EPS8: variants seen among roughly 807,000 people sequenced by gnomAD.
EPS8 encodes the protein EGFR pathway substrate 8, signaling adaptor.
EPS8 carries 42 observed loss-of-function variants against 103.8 expected under a neutral mutation model. The observed-to-expected ratio is 0.40, with a 90% CI of 0.32 to 0.52. The LOEUF (loss-of-function observed/expected upper bound fraction) is 0.52. EPS8 is among the 20% of genes least tolerant of loss of function. EPS8 has a pLI of 0.40. For synonymous variants in EPS8, 344 were observed against 344.6 expected (o/e 1.00, Z 0.02); for missense variants, 969 against 1,005.1 (o/e 0.96, Z 0.49).
chr12:15,698,397 G>A lies in EPS8; in HGVS notation c.-21-15425C>T. ...AACTACTCAAGGAAAAGAACAAGCA[G>A]TGTCAACTAGACTCCCCAACCCCCG... On this transcript the variant is annotated intron_variant, in intron 1 of 20. Coordinates refer to ENST00000281172, the MANE Select transcript of EPS8 (RefSeq NM_004447.6). The surrounding 1 kb of genome is among the most constrained non-coding windows in gnomAD (Gnocchi z 4.9). 6.6e-6 allele frequency among the ~76,000 whole-genome samples: 1 copy of A among 152,124 alleles called. No individual in the cohort carries two copies. The highest frequency in any genetic ancestry group is 1.9e-4 in the East Asian group (1 of 5,198).
rs542843414 is a variant in EPS8, at chr12:15,681,528, C to T, written c.60-226G>A. On this transcript the variant is annotated intron_variant, in intron 2 of 20. Transcript: ENST00000281172. ...GGCACATCACCTGAGGTCAGGAGTT[C>T]GTGACCAGCCTGACCAACATGGAGA... Among the ~76,000 whole-genome samples the T allele has an allele frequency of 2.6e-3, 394 of 151,674 alleles. 2 individuals are homozygous for T. Among genetic ancestry groups the T allele is most frequent in the Admixed American group, 5.0e-3 (76 of 15,256 alleles).
intron 3 of EPS8, chr12:15,672,439 T>G (rs543630736): frequency 5.0e-6 from 2 of 398,316 alleles, no homozygotes; most frequent in Admixed American, 4.4e-5. Context: ...CACTACAAAA[T>G]TCACTCTGTG....
chr12:15,729,252 C>T lies in EPS8; in HGVS notation c.-21-46280G>A, dbSNP rs537356159. 1.0e-3 allele frequency among the ~76,000 whole-genome samples: 153 copies of T among 152,138 alleles called. No individual in the cohort carries two copies. The Middle Eastern group carries it at 0.017, about 17-fold the overall frequency. ...TTTTTGGTGTTTGTCCTGAGCTTGG[C>T]GTCTCTCATTAATTTTGAGCTTCCA... On this transcript the variant is annotated intron_variant, in intron 1 of 20. Coordinates refer to ENST00000281172, the MANE Select transcript of EPS8 (RefSeq NM_004447.6).
intron 1 of EPS8, among the ~76,000 whole-genome samples, chr12:15,709,061 G>C (rs1242179254): frequency 3.9e-5 from 6 of 152,152 alleles, no homozygotes; most frequent in Non-Finnish European, 8.8e-5. Context: ...TTCCAACAAA[G>C]GAGTAAAATG....
chr12:15,627,196 G>A (rs774512796), intron 18 of EPS8, among the ~76,000 whole-genome samples: 6 of 151,890 alleles, frequency 4.0e-5, no homozygotes, highest in Non-Finnish European at 8.8e-5. Context: ...AGTAGAGATG[G>A]GGTTTCACCC....
rs1360821332 is a variant in EPS8, at chr12:15,736,792, C to G, written c.-22+52369G>C. ...GAGTATGTGATATAGAACCATACAA[C>G]CAAGCATATGTCAATACCCTCCATG... On this transcript the variant is annotated intron_variant, in intron 1 of 20. Transcript: ENST00000281172. This position sits in a 1 kb window ranked among gnomAD's most constrained non-coding sequence, Gnocchi z 4.2. Among the ~76,000 whole-genome samples the G allele has an allele frequency of 6.6e-6, 1 of 152,010 alleles. No individual in the cohort carries two copies. The highest frequency in any genetic ancestry group is 1.5e-5 in the Non-Finnish European group (1 of 67,984).
rs199669695 is a variant in EPS8 at position 15,760,001 on chromosome 12, TA to T, written c.-22+29159del. Among the ~76,000 whole-genome samples, 2 of 150,932 alleles carry T rather than the reference TA, an allele frequency of 1.3e-5. No homozygotes were observed. Among genetic ancestry groups the T allele is most frequent in the Non-Finnish European group, 3.0e-5 (2 of 67,604 alleles). On this transcript the variant is annotated intron_variant, in intron 1 of 20. Transcript: ENST00000281172. The surrounding 1 kb of genome is among the most constrained non-coding windows in gnomAD (Gnocchi z 4.5). ...AAGAGAAATTAAAAAGAAGAAAATA[TA>T]AAAAAAATCAATGAAACTAAAAGTT... is the stretch of plus-strand genomic sequence containing the variant.
chr12:15,741,627 T>C (rs1946823952), intron 1 of EPS8, among the ~76,000 whole-genome samples: 2 of 152,224 alleles, frequency 1.3e-5, no homozygotes, highest in Admixed American at 1.3e-4. Context: ...TATCATCTTT[T>C]AAAGCGTAAA....
At position 15,757,671 on chromosome 12, in the gene EPS8, C is replaced by T. The variant is rs1278164620; in HGVS notation, c.-22+31490G>A. On this transcript the variant is annotated intron_variant, in intron 1 of 20. Coordinates refer to ENST00000281172, the MANE Select transcript of EPS8 (RefSeq NM_004447.6). This position sits in a 1 kb window ranked among gnomAD's most constrained non-coding sequence, Gnocchi z 4.1. ...AAGAAAAAGAAAAAGATGAAGTGGC[C>T]ACCACTTAAGTGATCAAGCCTCATC... 6.6e-6 allele frequency among the ~76,000 whole-genome samples: 1 copy of T among 151,944 alleles called. No individual in the cohort carries two copies. The highest frequency in any genetic ancestry group is 1.5e-5 in the Non-Finnish European group (1 of 67,952).
At position 15,764,349 on chromosome 12, in the gene EPS8, A is replaced by G. The variant is rs1414772363; in HGVS notation, c.-22+24812T>C. On this transcript the variant is annotated intron_variant, in intron 1 of 20. Coordinates refer to ENST00000281172, the MANE Select transcript of EPS8 (RefSeq NM_004447.6). This position sits in a 1 kb window ranked among gnomAD's most constrained non-coding sequence, Gnocchi z 4.1. ...GAGCTTTGGGTGGGGACACAGTGAAACCATATCAATCAGTCAAGTTAGAAG... is the reference window on the plus strand; with the variant it reads ...GAGCTTTGGGTGGGGACACAGTGAAGCCATATCAATCAGTCAAGTTAGAAG... 1.3e-5 allele frequency among the ~76,000 whole-genome samples: 2 copies of G among 152,246 alleles called. No individual in the cohort carries two copies. The highest frequency in any genetic ancestry group is 3.9e-4 in the East Asian group (2 of 5,188).
intron 1 of EPS8, among the ~76,000 whole-genome samples, chr12:15,705,316 T>C (rs1452586455): frequency 6.6e-6 from 1 of 152,254 alleles, no homozygotes; most frequent in East Asian, 1.9e-4. Context: ...AAATATTCAA[T>C]GATTTGTAAT....
rs138817435 is a variant in EPS8 at position 15,781,105 on chromosome 12, C to T, written c.-22+8056G>A. On this transcript the variant is annotated intron_variant, in intron 1 of 20. Coordinates refer to ENST00000281172, the MANE Select transcript of EPS8 (RefSeq NM_004447.6). The surrounding 1 kb of genome is among the most constrained non-coding windows in gnomAD (Gnocchi z 4.1). ...TTATTTGCTTTATTTTGTCTAATTC[C>T]CCACAAATGTTTCTTTTTAAAAGAT... Among the ~76,000 whole-genome samples, 77 of 152,164 alleles carry T rather than the reference C, an allele frequency of 5.1e-4. 1 individual carries two copies. In the East Asian group the frequency reaches 0.012, roughly 24 times the overall value.
In EPS8 at chr12:15,759,462, T is replaced by G. The variant is rs1947019866; in HGVS notation, c.-22+29699A>C. Among the ~76,000 whole-genome samples, 1 of 152,130 alleles carries G rather than the reference T, an allele frequency of 6.6e-6. No homozygotes were observed. The highest frequency in any genetic ancestry group is 2.4e-5 in the African/African-American group (1 of 41,452). On this transcript the variant is annotated intron_variant, in intron 1 of 20. Transcript: ENST00000281172. This position sits in a 1 kb window ranked among gnomAD's most constrained non-coding sequence, Gnocchi z 4.9. Reference sequence around the variant, plus strand: ...TACTAGCACTGACAAATTAAACCTTTATACACTAAAAAGTCTTCAGTCTCT... The same window carrying G: ...TACTAGCACTGACAAATTAAACCTTGATACACTAAAAAGTCTTCAGTCTCT...
Position 15,727,647 on chromosome 12 carries a change from CAGG to C in EPS8, c.-21-44678_-21-44676del, listed in dbSNP as rs1368407676. Among the ~76,000 whole-genome samples the C allele has an allele frequency of 6.6e-6, 1 of 152,176 alleles. No homozygotes were observed. The highest frequency in any genetic ancestry group is 1.5e-5 in the Non-Finnish European group (1 of 68,028). The stretch of plus-strand genomic sequence containing the variant: ...GGCCGAGGTGGGCGGATCACGAGGT[CAGG>C]AGTTCGAGACCAGCCTGACCAACAC... On this transcript the variant is annotated intron_variant, in intron 1 of 20. Coordinates refer to ENST00000281172, the MANE Select transcript of EPS8 (RefSeq NM_004447.6). The surrounding 1 kb of genome is among the most constrained non-coding windows in gnomAD (Gnocchi z 4.3).
intron 19 of EPS8, 99 bp from the exon 20 acceptor site, chr12:15,623,386 A>G: frequency 1.9e-6 from 2 of 1,079,436 alleles, no homozygotes; most frequent in Non-Finnish European, 2.7e-6. Context: ...CTCTTTTCTA[A>G]GCGTTCCATA....
At chr12:15,677,303 G>T in intron 3 of EPS8, among the ~76,000 whole-genome samples, 1 of 152,136 alleles carries the variant, frequency 6.6e-6, no homozygotes, top group East Asian at 1.9e-4. Context: ...AAAGACAGCA[G>T]CCATTTGGTA....
Position 15,640,839 on chromosome 12 carries a change from T to C in EPS8, c.1685A>G (p.Asp562Gly). The change falls in exon 17 of 21, where the codon GAT (aspartate) becomes GGT (glycine). Residue 562 changes from aspartate to glycine, a missense_variant. Coordinates refer to ENST00000281172, the MANE Select transcript of EPS8 (RefSeq NM_004447.6). ...AACTTTCCACCATTGCTTCCGATCA[T>C]CAAGTATCTGTCATGTACAAGAAAA... Reference protein sequence around the residue: ...VLKDDILEILDDRKQWWKVRN... With the variant: ...VLKDDILEILGDRKQWWKVRN... 1.2e-6 allele frequency: 2 copies of C among 1,613,608 alleles called. No individual in the cohort carries two copies. The highest frequency in any genetic ancestry group is 2.2e-5 in the East Asian group (1 of 44,848).
At chr12:15,682,393 G>A (rs889825068) in intron 2 of EPS8, among the ~76,000 whole-genome samples, 1 of 152,062 alleles carries the variant, frequency 6.6e-6, no homozygotes, top group Admixed American at 6.5e-5. Context: ...ATAAGACAAT[G>A]GCCAATTAAG....
chr12:15,680,146 T>A (rs1945980363), intron 3 of EPS8, among the ~76,000 whole-genome samples: 2 of 152,200 alleles, frequency 1.3e-5, no homozygotes, highest in Non-Finnish European at 2.9e-5. Flanking sequence ...GCATGTATGG[T>A]ATTAAATCCA....
Sources: gnomAD v4.1 joint callset for allele counts (sites outside exome capture counted in the v4.1 genomes callset) on GRCh38, gnomAD v4.1.1 for gene constraint, Gnocchi (gnomAD v3.1) non-coding constraint, MANE v1.5 for transcripts, NCBI Gene and HGNC (gene_info 2026-07-23, HGNC 2026-07-21) for gene names.